Variants in ZBED4 observed in about 807,000 individuals in gnomAD.
The protein encoded by ZBED4 is zinc finger BED-type containing 4.
In ZBED4, 4 loss-of-function variants were observed where a neutral mutation model predicts 15.5. That is an observed-to-expected ratio of 0.26 (90% CI 0.13 to 0.59). The LOEUF (loss-of-function observed/expected upper bound fraction) is 0.59. Among genes scored for constraint, ZBED4 ranks in the 20% least tolerant of loss-of-function variants. The pLI, the probability that ZBED4 is intolerant of heterozygous loss-of-function variation, is 0.90. For synonymous variants in ZBED4, 692 were observed against 608.5 expected (o/e 1.14, Z -2.02); for missense variants, 1,323 against 1,461.8 (o/e 0.91, Z 1.55).
rs2060449290 is a variant in ZBED4, at chr22:49,888,000, GCTGT to G, written c.*825_*828del. On this transcript the variant is annotated 3_prime_UTR_variant, in exon 2 of 2. Transcript: ENST00000216268. ...CGCTTCAGCATCTCCACGCTCTGAA[GCTGT>G]CTTTCAAAATGTGTGCACTGACCCC... 1 of 167,238 alleles carries G rather than the reference GCTGT, an allele frequency of 6.0e-6. No homozygotes were observed. Among genetic ancestry groups the G allele is most frequent in the African/African-American group, 2.4e-5 (1 of 41,450 alleles). 10.4% of individuals were successfully genotyped at this position (167,238 alleles called of 1,614,324 possible). A position where few individuals can be genotyped will look rare whatever the true frequency, so the allele number is the denominator to read the frequency against.
At chr22:49,870,370 GCT>G (rs2147519393) in intron 1 of ZBED4, among the ~76,000 whole-genome samples, 1 of 152,324 alleles carries the variant, frequency 6.6e-6, no homozygotes, top group African/African-American at 2.4e-5. Flanking sequence ...TCCAATGGTA[GCT>G]CTGTTTTTAG....
At chr22:49,866,204 C>G (rs1278583671) in intron 1 of ZBED4, among the ~76,000 whole-genome samples, 1 of 152,088 alleles carries the variant, frequency 6.6e-6, no homozygotes, top group Non-Finnish European at 1.5e-5. Flanking sequence ...TTCTCAGTCC[C>G]TTTCACTATG....
At chr22:49,857,656 A>G (rs982716814) in intron 1 of ZBED4, among the ~76,000 whole-genome samples, 2 of 152,040 alleles carry the variant, frequency 1.3e-5, no homozygotes, top group South Asian at 2.1e-4. Context: ...CAGTGTTACA[A>G]TCTCGGCTCA....
At chr22:49,875,793 T>C (rs1359240568) in intron 1 of ZBED4, among the ~76,000 whole-genome samples, 5 of 152,182 alleles carry the variant, frequency 3.3e-5, no homozygotes, top group African/African-American at 1.2e-4. Context: ...TCCTTTTATA[T>C]ATGTAGGATC....
intron 1 of ZBED4, among the ~76,000 whole-genome samples, chr22:49,865,654 G>A (rs1311209074): frequency 4.6e-5 from 7 of 152,004 alleles, no homozygotes; most frequent in South Asian, 4.2e-4. Flanking sequence ...CAGTCTGGGC[G>A]ACAGAGTGGA....
Position 49,876,054 on chromosome 22 carries a change from A to T in ZBED4, c.-329-7280A>T, listed in dbSNP as rs552077994. ...TGTTTTTTCTTTGATACTGCGTGTA[A>T]TATAAAAGTGTTATTTATTTGAAAA... On this transcript the variant is annotated intron_variant, in intron 1 of 1. Coordinates refer to ENST00000216268, the MANE Select transcript of ZBED4 (RefSeq NM_014838.3). 1.6e-4 allele frequency among the ~76,000 whole-genome samples: 25 copies of T among 152,044 alleles called. No homozygotes were observed. The East Asian group carries it at 4.8e-3, about 29-fold the overall frequency.
Position 49,889,818 on chromosome 22 carries a change from T to G in ZBED4, c.*2640T>G, listed in dbSNP as rs2060458873. On this transcript the variant is annotated 3_prime_UTR_variant, in exon 2 of 2. Transcript: ENST00000216268. ...TGGGTGCAACTAGAAAATATGTTGATTCTTAGCCATTCCCACCTTGCCTCT... is the reference window on the plus strand; with the variant it reads ...TGGGTGCAACTAGAAAATATGTTGAGTCTTAGCCATTCCCACCTTGCCTCT... The G allele has an allele frequency of 6.0e-6, 1 of 167,092 alleles. No homozygotes were observed. Among genetic ancestry groups the G allele is most frequent in the South Asian group, 2.1e-4 (1 of 4,828 alleles). The allele number at this position is 167,092 out of a possible 1,614,324, so 10.4% of individuals were successfully genotyped here. A position where few individuals can be genotyped will look rare whatever the true frequency, so the allele number is the denominator to read the frequency against.
intron 1 of ZBED4, among the ~76,000 whole-genome samples, chr22:49,863,452 C>G: frequency 6.6e-6 from 1 of 152,130 alleles, no homozygotes; most frequent in Non-Finnish European, 1.5e-5. Flanking sequence ...CATGGTGAAA[C>G]CACGTCTCTA....
In ZBED4 at chr22:49,887,059, A is replaced by C; in HGVS notation, c.3397A>C (p.Lys1133Gln). 6.2e-7 allele frequency: 1 copy of C among 1,614,164 alleles called. No individual in the cohort carries two copies. Residue 1133 changes from lysine to glutamine, a missense_variant, in exon 2 of 2, where the codon AAG becomes CAG. Physicochemically the swap from Lys to Gln is moderately conservative, Grantham distance 53 (BLOSUM62 1). Coordinates refer to ENST00000216268, the MANE Select transcript of ZBED4 (RefSeq NM_014838.3). ...GCPPSIVPSEKLFNTPTENGS... is the reference protein window; with the variant it reads ...GCPPSIVPSEQLFNTPTENGS... ...CCCCCCAAGCATCGTCCCTTCAGAA[A>C]AGCTGTTCAACACACCCACTGAGAA...
chr22:49,857,396 G>A (rs938860484), intron 1 of ZBED4, among the ~76,000 whole-genome samples: 19 of 152,244 alleles, frequency 1.2e-4, no homozygotes, highest in African/African-American at 4.3e-4. Flanking sequence ...TGACCCTGTC[G>A]TGTGACCCAG....
rs1355553625 is a variant in ZBED4 at position 49,884,850 on chromosome 22, C to T, written c.1188C>T (p.Asp396=). 20 of 1,610,452 alleles carry T rather than the reference C, an allele frequency of 1.2e-5. No homozygotes were observed. Among genetic ancestry groups the T allele is most frequent in the Non-Finnish European group, 1.7e-5 (20 of 1,177,374 alleles). ...CCTCCCCTGACAGGCTGACTGAGGA[C>T]TTGCAGTCTCACTTGAACCCTGGAG... The part of the protein sequence containing the change: ...ASSSPDRLTE[D]LQSHLNPGDG... The change falls in exon 2 of 2, where the codon GAC becomes GAT. Residue 396 remains aspartate (D), a synonymous_variant. Coordinates refer to ENST00000216268, the MANE Select transcript of ZBED4 (RefSeq NM_014838.3).
At position 49,867,291 on chromosome 22, in the gene ZBED4, C is replaced by T. The variant is rs150225261; in HGVS notation, c.-330+13302C>T. 4.9e-4 allele frequency among the ~76,000 whole-genome samples: 75 copies of T among 152,290 alleles called. 1 individual carries two copies. In the East Asian group the frequency reaches 0.012, roughly 25 times the overall value. Reference sequence around the variant, plus strand: ...GTTTCAGTCCTTTTGAAATGCCCAACGCGTATGTTATGGGCCAGCATGTGG... The same window carrying T: ...GTTTCAGTCCTTTTGAAATGCCCAATGCGTATGTTATGGGCCAGCATGTGG... On this transcript the variant is annotated intron_variant, in intron 1 of 1. Transcript: ENST00000216268.
chr22:49,862,770 C>A (rs770421601), intron 1 of ZBED4, among the ~76,000 whole-genome samples: 4 of 135,296 alleles, frequency 3.0e-5, no homozygotes, highest in Non-Finnish European at 4.6e-5. Context: ...GTCGTGATCT[C>A]GGCTCACTGC....
chr22:49,866,160 A>G (rs1229672892), intron 1 of ZBED4, among the ~76,000 whole-genome samples: 1 of 152,122 alleles, frequency 6.6e-6, no homozygotes, highest in East Asian at 1.9e-4. Context: ...ATTTTGTTAG[A>G]AAATAAATTA....
rs201499212 is a variant in ZBED4, at chr22:49,884,142, C to T, written c.480C>T (p.His160=). Residue 160 remains histidine, a synonymous_variant, in exon 2 of 2, where the codon CAC becomes CAT. Transcript: ENST00000216268. ...KDLSTSCLMR[H]VRRAHPTVLI... is the part of the protein sequence containing the mutation. ...TGAGTACCAGTTGTCTCATGAGGCACGTGAGGCGCGCACACCCGACCGTGC... is the reference window on the plus strand; with the variant it reads ...TGAGTACCAGTTGTCTCATGAGGCATGTGAGGCGCGCACACCCGACCGTGC... The T allele has an allele frequency of 1.8e-5, 29 of 1,613,684 alleles. No individual in the cohort carries two copies. Among genetic ancestry groups the T allele is most frequent in the African/African-American group, 4.0e-5 (3 of 74,900 alleles).
Position 49,884,946 on chromosome 22 carries a change from T to G in ZBED4, c.1284T>G (p.Pro428=), listed in dbSNP as rs1411933575. 6.2e-7 allele frequency: 1 copy of G among 1,610,470 alleles called. No individual in the cohort carries two copies. The highest frequency in any genetic ancestry group is 1.7e-5 in the Admixed American group (1 of 59,426). The change falls in exon 2 of 2, where the codon CCT becomes CCG. Residue 428 remains proline, a synonymous_variant. Transcript: ENST00000216268. ...TAGGGGAGGCCTCGGCGTCCTCTCC[T>G]GAGAAGCAGCAGGCTGATGGGCTGA... is the stretch of plus-strand genomic sequence containing the variant. ...DDIGEASASS[P]EKQQADGLSP...
At chr22:49,865,962 T>G (rs905948789) in intron 1 of ZBED4, among the ~76,000 whole-genome samples, 1 of 150,642 alleles carries the variant, frequency 6.6e-6, no homozygotes, top group Non-Finnish European at 1.5e-5. Context: ...CCCTCCCGCC[T>G]CCACCTCCCG....
At chr22:49,860,598 T>C (rs189880631) in intron 1 of ZBED4, among the ~76,000 whole-genome samples, 1 of 152,018 alleles carries the variant, frequency 6.6e-6, no homozygotes, top group African/African-American at 2.4e-5. Context: ...TTATTTTATT[T>C]ATTTTTCCCA....
intron 1 of ZBED4, among the ~76,000 whole-genome samples, chr22:49,855,129 G>C (rs1418081381): frequency 6.6e-6 from 1 of 152,128 alleles, no homozygotes; most frequent in Admixed American, 6.6e-5. Context: ...TGGGACGTCC[G>C]TACAAGGCTG....
Sources: allele counts gnomAD v4.1 joint callset (sites outside exome capture counted in the v4.1 genomes callset), GRCh38; gene constraint gnomAD v4.1.1; transcripts MANE v1.5; gene names NCBI Gene and HGNC (gene_info 2026-07-23, HGNC 2026-07-21).